Variants in NFE2L2 observed in about 807,000 individuals in gnomAD.
The protein encoded by NFE2L2 is NFE2 like bZIP transcription factor 2, also known as nuclear factor erythroid 2-related factor 2.
Under a neutral mutation model 49.6 loss-of-function variants are expected in NFE2L2, and 20 were observed. The observed-to-expected ratio is 0.40, with a 90% CI of 0.28 to 0.59. The LOEUF (loss-of-function observed/expected upper bound fraction) is 0.59, where lower values mean the gene tolerates loss of function less well. Among genes scored for constraint, NFE2L2 ranks in the 20% least tolerant of loss-of-function variants. NFE2L2 has a pLI of 0.40. For synonymous variants in NFE2L2, 244 were observed against 256.5 expected (o/e 0.95, Z 0.47); for missense variants, 578 against 714.2 (o/e 0.81, Z 2.17).
Position 177,264,554 on chromosome 2 carries a change from G to A in NFE2L2, c.23C>T (p.Pro8Leu). 2 of 1,519,736 alleles carry A rather than the reference G, an allele frequency of 1.3e-6. No individual in the cohort carries two copies. The highest frequency in any genetic ancestry group is 8.8e-7 in the Non-Finnish European group (1 of 1,132,728). 94.1% of individuals were successfully genotyped at this position (1,519,736 alleles called of 1,614,324 possible). A position where few individuals can be genotyped will look rare whatever the true frequency, so the allele number is the denominator to read the frequency against. ...CACCTGCTGGGACGGGAGTCCCGGC[G>A]GCGGCAGCTCCAAGTCCATCATGAT... MMDLELP[P>L]PGLPSQQDMD... The change falls in exon 1 of 5, where the codon CCG (proline) becomes CTG (leucine). Residue 8 changes from proline to leucine, a missense_variant. Pro to Leu is a moderately conservative substitution (Grantham distance 98). Coordinates refer to ENST00000397062, the MANE Select transcript of NFE2L2 (RefSeq NM_006164.5).
At chr2:177,259,975 A>G (rs1184174872) in intron 1 of NFE2L2, among the ~76,000 whole-genome samples, 1 of 152,182 alleles carries the variant, frequency 6.6e-6, no homozygotes, top group Non-Finnish European at 1.5e-5. Context: ...CTGAATGTTA[A>G]TATTTAATAT....
chr2:177,264,282 C>G, intron 1 of NFE2L2: 1 of 470,096 alleles, frequency 2.1e-6, no homozygotes, highest in East Asian at 3.8e-5. Flanking sequence ...GGCTCAGTCC[C>G]CAGACCTTCC....
In NFE2L2 at chr2:177,238,794, ATGT is replaced by A. The variant is rs1365904232; in HGVS notation, c.46-4526_46-4524del. ...AGGTCTGAATTAGACTACTATTAACATGTTGTAATAAAAAAGGATTTTGATCTC... is the reference window on the plus strand; with the variant it reads ...AGGTCTGAATTAGACTACTATTAACATGTAATAAAAAAGGATTTTGATCTC... On this transcript the variant is annotated intron_variant, in intron 1 of 4. Transcript: ENST00000397062. Among the ~76,000 whole-genome samples, 4 of 152,254 alleles carry A rather than the reference ATGT, an allele frequency of 2.6e-5. No individual in the cohort carries two copies. In the South Asian group the frequency reaches 6.2e-4, roughly 24 times the overall value.
At chr2:177,251,801 C>T (rs183339181) in intron 1 of NFE2L2, among the ~76,000 whole-genome samples, 63 of 151,610 alleles carry the variant, frequency 4.2e-4, no homozygotes, top group Non-Finnish European at 8.1e-4. Flanking sequence ...GTCAGGAGTT[C>T]GAGACCATCC....
chr2:177,264,255 C>G (rs1690857015), intron 1 of NFE2L2: 2 of 396,548 alleles, frequency 5.0e-6, no homozygotes, highest in Non-Finnish European at 9.0e-6. Context: ...GATTCTCCCC[C>G]AAGGCCCACG....
chr2:177,250,562 C>T (rs1336902418), intron 1 of NFE2L2, among the ~76,000 whole-genome samples: 1 of 152,230 alleles, frequency 6.6e-6, no homozygotes, highest in East Asian at 1.9e-4. Context: ...ATATGCACAC[C>T]AATCCACCCA....
At chr2:177,256,796 C>G (rs35284526) in intron 1 of NFE2L2, among the ~76,000 whole-genome samples, 2 of 152,062 alleles carry the variant, frequency 1.3e-5, no homozygotes, top group African/African-American at 4.8e-5. Flanking sequence ...TTGGGCCTTG[C>G]GAGCTCTGCC....
rs2105451083 is a variant in NFE2L2, at chr2:177,230,930, C to T, written c.1673G>A (p.Ser558Asn). The T allele has an allele frequency of 6.2e-7, 1 of 1,613,496 alleles. No homozygotes were observed. The highest frequency in any genetic ancestry group is 1.1e-5 in the South Asian group (1 of 90,754). ...GCTGAAAACTTCGAGATATAAGGTG[C>T]TGAGTTGTTTTTTCAGTAGGTGAAG... ...KSLHLLKKQL[S>N]TLYLEVFSML... The change falls in exon 5 of 5, where the codon AGC becomes AAC. Residue 558 changes from serine to asparagine, a missense_variant. Ser to Asn is a conservative substitution (Grantham distance 46). Coordinates refer to ENST00000397062, the MANE Select transcript of NFE2L2 (RefSeq NM_006164.5).
intron 1 of NFE2L2, among the ~76,000 whole-genome samples, chr2:177,261,259 C>CA (rs1355299750): frequency 2.0e-5 from 3 of 151,912 alleles, no homozygotes; most frequent in African/African-American, 7.3e-5. Flanking sequence ...AAAAGGACCA[C>CA]AGTGGGTACC....
At chr2:177,247,572 A>G (rs1014196870) in intron 1 of NFE2L2, among the ~76,000 whole-genome samples, 4 of 151,862 alleles carry the variant, frequency 2.6e-5, no homozygotes, top group Non-Finnish European at 4.4e-5. Context: ...GAGGCAAGAG[A>G]ATCGCTTGAA....
intron 1 of NFE2L2, chr2:177,263,627 G>A (rs1690824407): frequency 4.1e-6 from 4 of 985,352 alleles, no homozygotes; most frequent in South Asian, 4.7e-5. Context: ...TGTCACGGAA[G>A]CCAAGGCCAC....
chr2:177,248,910 T>C (rs895316648), intron 1 of NFE2L2, among the ~76,000 whole-genome samples: 4 of 151,916 alleles, frequency 2.6e-5, no homozygotes, highest in Non-Finnish European at 4.4e-5. Context: ...GGCTCAAAAT[T>C]AGCGTGGGCC....
rs750596681 is a variant in NFE2L2, at chr2:177,241,130, G to A, written c.46-6859C>T. The stretch of plus-strand genomic sequence containing the variant: ...ACACTACTAACTCTCAACAGAAAGC[G>A]AAACTGAGCCTTGCTCCAAAGAGAA... On this transcript the variant is annotated intron_variant, in intron 1 of 4. Transcript: ENST00000397062. 2.6e-5 allele frequency among the ~76,000 whole-genome samples: 4 copies of A among 152,122 alleles called. No homozygotes were observed. In the South Asian group the frequency reaches 6.2e-4, roughly 24 times the overall value.
At position 177,231,864 on chromosome 2, in the gene NFE2L2, GA is replaced by G; in HGVS notation, c.738del (p.Asn248MetfsTer19). The G allele has an allele frequency of 6.2e-7, 1 of 1,614,166 alleles. No homozygotes were observed. The highest frequency in any genetic ancestry group is 2.2e-5 in the East Asian group (1 of 44,880). On this transcript the variant is annotated frameshift_variant, in exon 5 of 5. Transcript: ENST00000397062. LOFTEE classifies it high-confidence loss of function. ...CTGAAGGAATCCTCAAAAGCATTAA[GA>G]AAATGTGGACTACAGTTACCTACTT... ...EKEVGNCSPH[F>X]LNAFEDSFSS...
At chr2:177,234,343 C>A (rs2105460112) in intron 1 of NFE2L2, 72 bp from the exon 2 acceptor site, 1 of 1,474,120 alleles carries the variant, frequency 6.8e-7, no homozygotes, top group South Asian at 1.4e-5. Flanking sequence ...TAAATTAATT[C>A]ACATTATGCC....
At position 177,231,806 on chromosome 2, in the gene NFE2L2, A is replaced by G. The variant is rs1344605672; in HGVS notation, c.797T>C (p.Leu266Ser). The G allele has an allele frequency of 6.2e-7, 1 of 1,614,204 alleles. No individual in the cohort carries two copies. Residue 266 changes from leucine to serine, a missense_variant, in exon 5 of 5, where the codon TTG becomes TCG. This residue lies in a region of NFE2L2 where 368 missense variants were observed against 384.6 expected (regional missense o/e 0.96). Transcript: ENST00000397062. ...SILSTEDPNQ[L>S]TVNSLNSDAT... is the part of the protein sequence containing the mutation. ...ATCTGAATTTAATGAGTTCACTGTC[A>G]ACTGGTTGGGGTCTTCTGTGGAGAG...
Position 177,249,016 on chromosome 2 carries a change from G to C in NFE2L2, c.46-14745C>G, listed in dbSNP as rs544058756. On this transcript the variant is annotated intron_variant, in intron 1 of 4. Transcript: ENST00000397062. ...AGGACCACTTGAGCCCAGGAGTTTT[G>C]ATATCAGCCTGGCCAACATGGAAGA... Among the ~76,000 whole-genome samples, 48 of 151,750 alleles carry C rather than the reference G, an allele frequency of 3.2e-4. No homozygotes were observed. In the South Asian group the frequency reaches 9.4e-3, roughly 30 times the overall value.
chr2:177,254,406 G>C (rs1382139333), intron 1 of NFE2L2, among the ~76,000 whole-genome samples: 1 of 152,182 alleles, frequency 6.6e-6, no homozygotes, highest in African/African-American at 2.4e-5. Context: ...CAAAAAACAA[G>C]AAAGTAATAT....
chr2:177,246,981 A>T (rs942946400), intron 1 of NFE2L2, among the ~76,000 whole-genome samples: 1 of 152,158 alleles, frequency 6.6e-6, no homozygotes, highest in Non-Finnish European at 1.5e-5. Context: ...ATAATTATTT[A>T]ATCAGTCCCC....
Sources: gnomAD v4.1 joint callset for allele counts (sites outside exome capture counted in the v4.1 genomes callset) on GRCh38, gnomAD v4.1.1 for gene constraint, gnomAD v4.1.1 regional missense constraint, MANE v1.5 for transcripts, NCBI Gene and HGNC (gene_info 2026-07-23, HGNC 2026-07-21) for gene names.